The following KCNMB4 variants were observed in gnomAD, a reference collection of about 807,000 sequenced individuals.
KCNMB4 encodes the protein calcium-activated potassium channel subunit beta-4.
KCNMB4 carries 3 observed loss-of-function variants against 20.7 expected under a neutral mutation model. The ratio of observed to expected loss-of-function variants is 0.14; its 90% CI spans 0.07 to 0.37. KCNMB4 has a LOEUF of 0.37. Ranked by LOEUF, KCNMB4 falls within the 10% of genes least tolerant of loss-of-function variation. KCNMB4 has a pLI of 1.00. For synonymous variants in KCNMB4, 110 were observed against 113.4 expected (o/e 0.97, Z 0.19); for missense variants, 168 against 265.9 (o/e 0.63, Z 2.56).
chr12:70,428,261 T>G (rs1418835169), intron 2 of KCNMB4, among the ~76,000 whole-genome samples: 3 of 152,232 alleles, frequency 2.0e-5, no homozygotes, highest in Non-Finnish European at 2.9e-5. Context: ...CCCAAAGTGC[T>G]GGGATTACAG....
chr12:70,397,798 TTA>T (rs1283721763), intron 1 of KCNMB4, among the ~76,000 whole-genome samples: 4 of 152,210 alleles, frequency 2.6e-5, no homozygotes, highest in Non-Finnish European at 4.4e-5. Flanking sequence ...TTACATGTGG[TTA>T]TGAATTGTTC....
intron 2 of KCNMB4, among the ~76,000 whole-genome samples, chr12:70,416,824 G>A (rs1868925116): frequency 6.6e-6 from 1 of 152,028 alleles, no homozygotes; most frequent in East Asian, 1.9e-4. Flanking sequence ...AGAAATGCTA[G>A]CCTATTTCTG....
chr12:70,420,202 G>GTA (rs1418379154), intron 2 of KCNMB4, among the ~76,000 whole-genome samples: 2 of 152,214 alleles, frequency 1.3e-5, no homozygotes, highest in Non-Finnish European at 2.9e-5. Context: ...GTATAGGAGA[G>GTA]CGGTTTATGG....
In KCNMB4 at chr12:70,400,329, C is replaced by T. The variant is rs775592650; in HGVS notation, c.457C>T (p.His153Tyr). The T allele has an allele frequency of 3.1e-6, 5 of 1,604,840 alleles. No homozygotes were observed. The highest frequency in any genetic ancestry group is 4.2e-6 in the Non-Finnish European group (5 of 1,177,592). ...GCCATTTACTTGCTATTTTAATCAA[C>T]ATCAAAGGTAAGTCAATATTTGCAT... Reference protein sequence around the residue: ...SQPFTCYFNQHQRPDDVLLHR... With the variant: ...SQPFTCYFNQYQRPDDVLLHR... Residue 153 changes from histidine to tyrosine, a missense_variant, in exon 2 of 3, where the codon CAT (histidine) becomes TAT (tyrosine). By Grantham distance (83) the His-to-Tyr change is moderately conservative. Transcript: ENST00000258111.
At chr12:70,373,705 T>C (rs1185215874) in intron 1 of KCNMB4, among the ~76,000 whole-genome samples, 1 of 152,242 alleles carries the variant, frequency 6.6e-6, no homozygotes, top group African/African-American at 2.4e-5. Flanking sequence ...AAAGGCGTGG[T>C]CAGAATATCT....
Position 70,366,882 on chromosome 12 carries a change from A to G in KCNMB4, c.148A>G (p.Thr50Ala), listed in dbSNP as rs372077662. 8 of 1,613,448 alleles carry G rather than the reference A, an allele frequency of 5.0e-6. No individual in the cohort carries two copies. The highest frequency in any genetic ancestry group is 1.3e-5 in the African/African-American group (1 of 74,896). ...TCCCGCGCTGCAGGATCTGCAAGCC[A>G]CGGAGGCCAATTGCACGGTGCTGTC... Reference protein sequence around the residue: ...LSPALQDLQATEANCTVLSVQ... With the variant: ...LSPALQDLQAAEANCTVLSVQ... Residue 50 changes from threonine (T) to alanine (A), a missense_variant, in exon 1 of 3, where the codon ACG becomes GCG. By Grantham distance (58) the Thr-to-Ala change is moderately conservative. Transcript: ENST00000258111.
chr12:70,428,722 T>A (rs185232618), intron 2 of KCNMB4, among the ~76,000 whole-genome samples: 120 of 152,338 alleles, frequency 7.9e-4, no homozygotes, highest in Middle Eastern at 6.8e-3. Flanking sequence ...CAACATCTAT[T>A]TGTAGAATAG....
chr12:70,385,575 A>G (rs1868250627), intron 1 of KCNMB4, among the ~76,000 whole-genome samples: 3 of 152,220 alleles, frequency 2.0e-5, no homozygotes, highest in Admixed American at 1.3e-4. Flanking sequence ...TATGCTGAGC[A>G]TCTTCAACGA....
chr12:70,426,235 A>C (rs747223861), intron 2 of KCNMB4, among the ~76,000 whole-genome samples: 2 of 151,866 alleles, frequency 1.3e-5, no homozygotes, highest in African/African-American at 4.8e-5. Flanking sequence ...CGGAGGTTGC[A>C]GTGAGCCAAG....
intron 2 of KCNMB4, among the ~76,000 whole-genome samples, chr12:70,423,581 C>T (rs1399407431): frequency 2.0e-5 from 3 of 152,056 alleles, no homozygotes; most frequent in South Asian, 2.1e-4. Flanking sequence ...TAGGCTCAAG[C>T]GATACTTTCA....
rs546277915 is a variant in KCNMB4 at position 70,405,234 on chromosome 12, A to G, written c.464+4898A>G. On this transcript the variant is annotated intron_variant, in intron 2 of 2. Coordinates refer to ENST00000258111, the MANE Select transcript of KCNMB4 (RefSeq NM_014505.6). ...ATAGGAGAAGATATTTGCAAACTAT[A>G]TATCTGCTAAAGAGTTAATCCCCTG... Among the ~76,000 whole-genome samples the G allele has an allele frequency of 4.6e-5, 7 of 152,342 alleles. No individual in the cohort carries two copies. The South Asian group carries it at 1.5e-3, about 32-fold the overall frequency.
chr12:70,376,151 TA>T (rs72152386), intron 1 of KCNMB4, among the ~76,000 whole-genome samples: 12,498 of 142,436 alleles, frequency 0.088, 645 homozygotes, highest in East Asian at 0.25. Context: ...CCTTTCATGA[TA>T]AAAAAAAAAA....
chr12:70,418,085 C>T (rs1021090042), intron 2 of KCNMB4, among the ~76,000 whole-genome samples: 1 of 152,150 alleles, frequency 6.6e-6, no homozygotes, highest in Non-Finnish European at 1.5e-5. Flanking sequence ...GCACATCATA[C>T]CCAGGACTGT....
intron 2 of KCNMB4, among the ~76,000 whole-genome samples, chr12:70,417,453 A>G (rs936780046): frequency 2.6e-5 from 4 of 152,188 alleles, no homozygotes; most frequent in African/African-American, 9.6e-5. Context: ...GACAGTTGTT[A>G]TGCACACATT....
intron 1 of KCNMB4, among the ~76,000 whole-genome samples, chr12:70,386,375 G>A (rs1453191854): frequency 1.3e-5 from 2 of 151,860 alleles, no homozygotes; most frequent in East Asian, 3.9e-4. Flanking sequence ...CACAAATAAA[G>A]ACAAGAAAAA....
chr12:70,377,484 T>G (rs1157555541), intron 1 of KCNMB4, among the ~76,000 whole-genome samples: 1 of 152,200 alleles, frequency 6.6e-6, no homozygotes, highest in Non-Finnish European at 1.5e-5. Flanking sequence ...ATTTAGAAAG[T>G]CATAATCATT....
chr12:70,368,797 T>C (rs1445864714), intron 1 of KCNMB4, among the ~76,000 whole-genome samples: 3 of 152,122 alleles, frequency 2.0e-5, no homozygotes, highest in Non-Finnish European at 4.4e-5. Context: ...ATGGCTAATA[T>C]CTAATCAAGA....
chr12:70,367,163 G>T, intron 1 of KCNMB4, 93 bp downstream of exon 1: 1 of 996,098 alleles, frequency 1.0e-6, no homozygotes, highest in Non-Finnish European at 1.4e-6. Flanking sequence ...TTCGGCGTGT[G>T]CTCGCATTGC....
chr12:70,380,877 C>T (rs751491215), intron 1 of KCNMB4, among the ~76,000 whole-genome samples: 4 of 151,984 alleles, frequency 2.6e-5, no homozygotes, highest in Non-Finnish European at 4.4e-5. Flanking sequence ...AAAGCACAAG[C>T]AACTAAAGGA....
Sources: allele counts gnomAD v4.1 joint callset (sites outside exome capture counted in the v4.1 genomes callset), GRCh38; gene constraint gnomAD v4.1.1; transcripts MANE v1.5; gene names NCBI Gene and HGNC (gene_info 2026-07-23, HGNC 2026-07-21).